The following PCDH9 variants were observed in gnomAD, a reference collection of about 807,000 sequenced individuals.
PCDH9 encodes the protein protocadherin 9.
PCDH9 carries 24 observed loss-of-function variants against 70.6 expected under a neutral mutation model. The ratio of observed to expected loss-of-function variants is 0.34; its 90% CI spans 0.25 to 0.48. The LOEUF is 0.48. Among genes scored for constraint, PCDH9 ranks in the 20% least tolerant of loss-of-function variants. PCDH9 has a pLI of 0.99. For synonymous variants in PCDH9, 562 were observed against 558.5 expected, an observed-to-expected ratio of 1.01 and a Z score of -0.09; for missense variants, 1,281 against 1,503.6, an observed-to-expected ratio of 0.85 and a Z score of 2.45.
intron 4 of PCDH9, among the ~76,000 whole-genome samples, chr13:66,339,643 T>C (rs1047323058): frequency 1.3e-5 from 2 of 152,178 alleles, no homozygotes; most frequent in Admixed American, 6.6e-5. Context: ...GCAATGTGTA[T>C]GCAATTGCTT....
At chr13:66,758,486 T>C (rs2079571371) in intron 3 of PCDH9, among the ~76,000 whole-genome samples, 2 of 152,076 alleles carry the variant, frequency 1.3e-5, no homozygotes, top group South Asian at 4.1e-4. Context: ...GATGTTTTAA[T>C]ACATGTATAC....
intron 3 of PCDH9, among the ~76,000 whole-genome samples, chr13:66,680,023 T>C (rs1464320234): frequency 6.6e-6 from 1 of 151,986 alleles, no homozygotes; most frequent in Non-Finnish European, 1.5e-5. Flanking sequence ...TCTTGTTATG[T>C]GGTAAGAATA....
intron 3 of PCDH9, among the ~76,000 whole-genome samples, chr13:66,845,318 G>C (rs1442003124): frequency 2.6e-5 from 4 of 152,228 alleles, no homozygotes. Flanking sequence ...AGGCAGCAGG[G>C]AGCTGGCATC....
intron 4 of PCDH9, chr13:66,323,288 A>G (rs1314737753): frequency 6.6e-6 from 1 of 152,152 alleles, no homozygotes; most frequent in Non-Finnish European, 1.5e-5. Flanking sequence ...TACTTCAAAA[A>G]TTAACTTTAG....
chr13:66,404,407 TAAGGG>T (rs1455404687), intron 4 of PCDH9, among the ~76,000 whole-genome samples: 1 of 151,888 alleles, frequency 6.6e-6, no homozygotes, highest in African/African-American at 2.4e-5. Flanking sequence ...GTAGGAACAA[TAAGGG>T]AAGGGGGAGT....
chr13:66,970,073 C>G (rs2083493428), intron 2 of PCDH9, among the ~76,000 whole-genome samples: 1 of 151,952 alleles, frequency 6.6e-6, no homozygotes, highest in East Asian at 1.9e-4. Context: ...GAAAAACAAA[C>G]CTGCCTCAGA....
intron 3 of PCDH9, among the ~76,000 whole-genome samples, chr13:66,749,094 C>T (rs1247900263): frequency 1.3e-5 from 2 of 152,154 alleles, no homozygotes; most frequent in Non-Finnish European, 2.9e-5. Context: ...TGAGGCCTCC[C>T]CAGCCATGTG....
chr13:66,719,144 A>G (rs993703484), intron 3 of PCDH9, among the ~76,000 whole-genome samples: 1 of 152,196 alleles, frequency 6.6e-6, no homozygotes, highest in Non-Finnish European at 1.5e-5. Flanking sequence ...ATAGATTGCA[A>G]TTTGGTCCTG....
chr13:66,342,509 TA>T (rs1359198553), intron 4 of PCDH9, among the ~76,000 whole-genome samples: 2 of 152,194 alleles, frequency 1.3e-5, no homozygotes, highest in Non-Finnish European at 2.9e-5. Context: ...CTTTTACCAA[TA>T]AAGAAAGTGA....
intron 3 of PCDH9, among the ~76,000 whole-genome samples, chr13:66,666,356 G>A (rs1425223500): frequency 1.3e-5 from 2 of 152,136 alleles, no homozygotes; most frequent in Non-Finnish European, 2.9e-5. Context: ...TCTGGTCGTG[G>A]TTCCAGCTGG....
In PCDH9 at chr13:66,313,449, G is replaced by A. The variant is rs574868108; in HGVS notation, c.3341-8421C>T. Reference sequence around the variant, plus strand: ...CACATTTTAAAGTGCAGACTAAGGTGTTAAGCAGTGAAGTAATAATACTTT... The same window carrying A: ...CACATTTTAAAGTGCAGACTAAGGTATTAAGCAGTGAAGTAATAATACTTT... On this transcript the variant is annotated intron_variant, in intron 4 of 4. Transcript: ENST00000377865. Among the ~76,000 whole-genome samples, 6 of 152,328 alleles carry A rather than the reference G, an allele frequency of 3.9e-5. No homozygotes were observed. In the South Asian group the frequency reaches 8.3e-4, roughly 21 times the overall value.
intron 2 of PCDH9, among the ~76,000 whole-genome samples, chr13:67,003,354 C>T (rs988116410): frequency 7.9e-5 from 12 of 151,350 alleles, no homozygotes; most frequent in African/African-American, 2.4e-4. Flanking sequence ...TTGAATTGGG[C>T]TTTGACAACT....
intron 3 of PCDH9, among the ~76,000 whole-genome samples, chr13:66,673,819 T>C (rs2078208869): frequency 6.6e-6 from 1 of 152,212 alleles, no homozygotes; most frequent in Admixed American, 6.5e-5. Flanking sequence ...AAGTGACTTA[T>C]TATATTCCAC....
intron 2 of PCDH9, among the ~76,000 whole-genome samples, chr13:66,967,650 CA>C (rs75961646): frequency 8.5e-5 from 13 of 152,150 alleles, no homozygotes; most frequent in East Asian, 1.9e-4. Context: ...TATACAAATA[CA>C]AAAAAAAATT....
intron 2 of PCDH9, among the ~76,000 whole-genome samples, chr13:67,068,438 A>G (rs2085694330): frequency 6.6e-6 from 1 of 152,100 alleles, no homozygotes; most frequent in South Asian, 2.1e-4. Context: ...AGGAAGAGAA[A>G]TAGGAGGAAA....
chr13:66,613,244 C>T (rs2077315235), intron 4 of PCDH9, among the ~76,000 whole-genome samples: 1 of 152,142 alleles, frequency 6.6e-6, no homozygotes, highest in African/African-American at 2.4e-5. Flanking sequence ...CTGCAGACTT[C>T]CCCGTCCCTG....
intron 3 of PCDH9, among the ~76,000 whole-genome samples, chr13:66,888,093 T>G (rs1416404170): frequency 6.6e-6 from 1 of 152,182 alleles, no homozygotes; most frequent in Non-Finnish European, 1.5e-5. Flanking sequence ...GCTAATTAAT[T>G]TTACTCACTT....
chr13:66,790,770 C>A (rs575558534), intron 3 of PCDH9, among the ~76,000 whole-genome samples: 78 of 152,034 alleles, frequency 5.1e-4, no homozygotes, highest in Admixed American at 9.2e-4. Context: ...ATGTTCCTAC[C>A]TATGGTTGGA....
intron 3 of PCDH9, among the ~76,000 whole-genome samples, chr13:66,731,283 C>G (rs2139175974): frequency 6.6e-6 from 1 of 152,176 alleles, no homozygotes; most frequent in African/African-American, 2.4e-5. Flanking sequence ...TCAGCACAAA[C>G]TCATGGTTAT....
Sources: gnomAD v4.1 joint callset for allele counts (sites outside exome capture counted in the v4.1 genomes callset) on GRCh38, gnomAD v4.1.1 for gene constraint, MANE v1.5 for transcripts, NCBI Gene and HGNC (gene_info 2026-07-23, HGNC 2026-07-21) for gene names.